The following NAXD variants were observed in gnomAD, a reference collection of about 807,000 sequenced individuals.
The protein encoded by NAXD is NAD(P)HX dehydratase, also known as ATP-dependent (S)-NAD(P)H-hydrate dehydratase.
Under a neutral mutation model 35.8 loss-of-function variants are expected in NAXD, and 22 were observed. The observed-to-expected ratio is 0.62, with a 90% CI of 0.44 to 0.88. The LOEUF is 0.88. NAXD is among the 40% of genes least tolerant of loss of function. The pLI is 0.00. For synonymous variants in NAXD, 189 were observed against 177.6 expected (o/e 1.06, Z -0.51); for missense variants, 428 against 437.7 (o/e 0.98, Z 0.20).
At chr13:110,618,093 G>A (rs1300916792) in intron 1 of NAXD, among the ~76,000 whole-genome samples, 1 of 152,102 alleles carries the variant, frequency 6.6e-6, no homozygotes, top group Non-Finnish European at 1.5e-5. Context: ...TGCTCGAAAG[G>A]TTTCAGAACC....
chr13:110,631,402 A>G (rs1232484869), intron 5 of NAXD, among the ~76,000 whole-genome samples: 1 of 152,174 alleles, frequency 6.6e-6, no homozygotes, highest in Non-Finnish European at 1.5e-5. Context: ...CCATTGCTGA[A>G]TCAGAGTAAG....
At position 110,622,455 on chromosome 13, in the gene NAXD, C is replaced by T; in HGVS notation, c.197+89C>T. The T allele has an allele frequency of 8.2e-6, 11 of 1,341,102 alleles. No individual in the cohort carries two copies. The South Asian group carries it at 1.3e-4, about 16-fold the overall frequency. The allele number at this position is 1,341,102 out of a possible 1,614,324, so 83.1% of individuals were successfully genotyped here. On this transcript the variant is annotated intron_variant, in intron 2 of 9. Coordinates refer to ENST00000680254, the MANE Select transcript of NAXD (RefSeq NM_001242882.2). The stretch of plus-strand genomic sequence containing the variant: ...CTGTCATTCACGCTGTCTAGTTTGA[C>T]CTCAGTAATCATTTCCAAATGCAGC...
At position 110,628,507 on chromosome 13, in the gene NAXD, G is replaced by A. The variant is rs1886581974; in HGVS notation, c.441+960G>A. ...CCATCTGCATGGCACTCTGTTGGGT[G>A]CTTAGTTAATGGAGGGGTCTCTGAG... On this transcript the variant is annotated intron_variant, in intron 5 of 9. Transcript: ENST00000680254. The surrounding 1 kb of genome is among the most constrained non-coding windows in gnomAD (Gnocchi z 4.1). Among the ~76,000 whole-genome samples the A allele has an allele frequency of 6.6e-6, 1 of 152,180 alleles. No individual in the cohort carries two copies. The highest frequency in any genetic ancestry group is 2.4e-5 in the African/African-American group (1 of 41,454).
At chr13:110,634,640 G>C in intron 6 of NAXD, 32 bp from the exon 7 acceptor site, 1 of 1,614,000 alleles carries the variant, frequency 6.2e-7, no homozygotes, top group South Asian at 1.1e-5. Context: ...CGGAAGGCCT[G>C]TGCAGTGAGC....
In NAXD at chr13:110,638,184, A is replaced by C. The variant is rs967094766; in HGVS notation, c.840-194A>C. On this transcript the variant is annotated intron_variant, in intron 9 of 9. Transcript: ENST00000680254. The surrounding 1 kb of genome is among the most constrained non-coding windows in gnomAD (Gnocchi z 5.4). The stretch of plus-strand genomic sequence containing the variant: ...AGACGTTTCCTGTGTGCCTCCTGCC[A>C]GGGAGTAGTGGAGGGTTAATGGTGG... 3 of 1,478,004 alleles carry C rather than the reference A, an allele frequency of 2.0e-6. No homozygotes were observed. In the African/African-American group the frequency reaches 4.2e-5, roughly 21 times the overall value. 91.6% of individuals were successfully genotyped at this position (1,478,004 alleles called of 1,614,324 possible).
intron 5 of NAXD, 50 bp downstream of exon 5, chr13:110,627,597 G>A (rs145070867): frequency 2.1e-5 from 28 of 1,321,270 alleles, no homozygotes; most frequent in African/African-American, 2.9e-5. Context: ...AGCCTTAGGC[G>A]TGAAGTTGGA....
At chr13:110,637,894 C>T (rs1886995588) in intron 9 of NAXD, 2 of 490,366 alleles carry the variant, frequency 4.1e-6, no homozygotes, top group Non-Finnish European at 4.0e-6. Context: ...TAGGTGTGTC[C>T]ACATGAATTT....
intron 8 of NAXD, 118 bp from the exon 9 acceptor site, chr13:110,637,011 T>G (rs928624591): frequency 8.3e-7 from 1 of 1,206,342 alleles, no homozygotes; most frequent in African/African-American, 1.6e-5. Context: ...GAGTGGAGCC[T>G]CAGGCTGCTC....
Position 110,634,717 on chromosome 13 carries a change from TACCGGAAGGCTGTGCTCACTCCCA to T in NAXD, c.542_565del (p.Arg181_Asn188del). 6.2e-7 allele frequency: 1 copy of T among 1,614,172 alleles called. No individual in the cohort carries two copies. The highest frequency in any genetic ancestry group is 8.5e-7 in the Non-Finnish European group (1 of 1,180,034). ...TCAGCAGCCGGCCCTCATCCATGGC[TACCGGAAGGCTGTGCTCACTCCCA>T]ACCACGTGGAGTTCAGCAGACTGTA... On this transcript the variant is annotated inframe_deletion, in exon 7 of 10. Transcript: ENST00000680254.
rs1304670438 is a variant in NAXD, at chr13:110,628,226, C to G, written c.441+679C>G. ...TCTGACGCTCCCTGGGCTGGTGTGT[C>G]TCTGCTGGGGGTTGTGCTCCTGTGG... On this transcript the variant is annotated intron_variant, in intron 5 of 9. Coordinates refer to ENST00000680254, the MANE Select transcript of NAXD (RefSeq NM_001242882.2). This position sits in a 1 kb window ranked among gnomAD's most constrained non-coding sequence, Gnocchi z 4.1. 6.6e-6 allele frequency among the ~76,000 whole-genome samples: 1 copy of G among 152,162 alleles called. No homozygotes were observed. Among genetic ancestry groups the G allele is most frequent in the Admixed American group, 6.5e-5 (1 of 15,274 alleles).
At chr13:110,625,325 C>A in intron 4 of NAXD, 47 bp downstream of exon 4, 1 of 1,349,292 alleles carries the variant, frequency 7.4e-7, no homozygotes, top group Non-Finnish European at 1.1e-6. Context: ...TTCCCTCCTG[C>A]ATCATTTGGG....
intron 1 of NAXD, among the ~76,000 whole-genome samples, chr13:110,621,590 G>A (rs868544957): frequency 6.6e-5 from 10 of 152,158 alleles, no homozygotes; most frequent in African/African-American, 2.2e-4. Context: ...CAGATACTCC[G>A]GAGGCTGAGG....
intron 5 of NAXD, among the ~76,000 whole-genome samples, chr13:110,629,586 T>G (rs1192901942): frequency 6.6e-6 from 1 of 152,128 alleles, no homozygotes; most frequent in African/African-American, 2.4e-5. Flanking sequence ...ATTTAGTGAT[T>G]AGTTATGTCA....
At chr13:110,629,816 G>A (rs1004898378) in intron 5 of NAXD, among the ~76,000 whole-genome samples, 7 of 152,088 alleles carry the variant, frequency 4.6e-5, no homozygotes, top group African/African-American at 1.2e-4. Context: ...TTCCCATAGC[G>A]GCTGCACTAT....
In NAXD at chr13:110,615,585, A is replaced by G; in HGVS notation, c.-17A>G. 1.5e-6 allele frequency: 2 copies of G among 1,354,832 alleles called. No individual in the cohort carries two copies. Among genetic ancestry groups the G allele is most frequent in the Middle Eastern group, 1.9e-4 (1 of 5,300 alleles). 83.9% of individuals were successfully genotyped at this position (1,354,832 alleles called of 1,614,324 possible). ...GGCGACGGCGCGGGGGCAGCTGGGAATCCGGAATGCTGCCCGATGGCCCTG... is the reference window on the plus strand; with the variant it reads ...GGCGACGGCGCGGGGGCAGCTGGGAGTCCGGAATGCTGCCCGATGGCCCTG... On this transcript the variant is annotated 5_prime_UTR_variant, in exon 1 of 10. Transcript: ENST00000680254.
intron 2 of NAXD, among the ~76,000 whole-genome samples, chr13:110,623,858 C>T (rs371799629): frequency 5.9e-5 from 9 of 152,126 alleles, no homozygotes; most frequent in South Asian, 2.1e-4. Flanking sequence ...CAAAATTAGC[C>T]GGGTGTGGTG....
upstream of NAXD, chr13:110,615,512 G>A: frequency 8.1e-7 from 1 of 1,239,210 alleles, no homozygotes; most frequent in South Asian, 2.0e-5. Flanking sequence ...CGACAGCCGC[G>A]CGGAGGCGGT....
At chr13:110,635,662 G>A in intron 8 of NAXD, 74 bp downstream of exon 8, 2 of 1,560,948 alleles carry the variant, frequency 1.3e-6, no homozygotes, top group Non-Finnish European at 1.8e-6. Flanking sequence ...CATGAGCCCT[G>A]GAAGACCTCT....
intron 1 of NAXD, 65 bp downstream of exon 1, chr13:110,615,712 G>T: frequency 6.6e-7 from 1 of 1,517,032 alleles, no homozygotes; most frequent in Non-Finnish European, 8.8e-7. Flanking sequence ...GCCGTCGCCG[G>T]CGCGGTCGTT....
Sources: allele counts gnomAD v4.1 joint callset (sites outside exome capture counted in the v4.1 genomes callset), GRCh38; gene constraint gnomAD v4.1.1; non-coding constraint Gnocchi (gnomAD v3.1); transcripts MANE v1.5; gene names NCBI Gene and HGNC (gene_info 2026-07-23, HGNC 2026-07-21).